The following RELL1 variants were observed in gnomAD, a reference collection of about 807,000 sequenced individuals.
RELL1 encodes RELT like 1, also known as RELT-like protein 1.
Under a neutral mutation model 23.0 loss-of-function variants are expected in RELL1, and 10 were observed. That is an observed-to-expected ratio of 0.43 (90% CI 0.27 to 0.74). The LOEUF is 0.74. Among genes scored for constraint, RELL1 ranks in the 30% least tolerant of loss-of-function variants. The pLI is 0.19. For synonymous variants in RELL1, 146 were observed against 146.8 expected (o/e 0.99, Z 0.04); for missense variants, 315 against 364.4 (o/e 0.86, Z 1.10).
chr4:37,658,439 G>A (rs1216690510), intron 1 of RELL1, among the ~76,000 whole-genome samples: 8 of 152,192 alleles, frequency 5.3e-5, no homozygotes, highest in Admixed American at 4.6e-4. Flanking sequence ...GCATGTATGA[G>A]CCAACACTAA....
chr4:37,684,155 G>C (rs1342008362), intron 1 of RELL1, among the ~76,000 whole-genome samples: 1 of 152,172 alleles, frequency 6.6e-6, no homozygotes, highest in Non-Finnish European at 1.5e-5. Flanking sequence ...GCACTCAACA[G>C]TATTTCCCAT....
intron 1 of RELL1, among the ~76,000 whole-genome samples, chr4:37,683,848 A>G (rs953744948): frequency 9.2e-5 from 14 of 151,914 alleles, no homozygotes; most frequent in East Asian, 3.9e-4. Flanking sequence ...TTGGGAGGCC[A>G]AGGTGGGCGG....
intron 6 of RELL1, among the ~76,000 whole-genome samples, chr4:37,618,490 A>C (rs1302939468): frequency 6.6e-6 from 1 of 152,058 alleles, no homozygotes; most frequent in Non-Finnish European, 1.5e-5. Flanking sequence ...CTCCAGCCTC[A>C]GCCTCCCGAA....
At chr4:37,622,280 A>T (rs538817732) in intron 6 of RELL1, among the ~76,000 whole-genome samples, 1 of 152,344 alleles carries the variant, frequency 6.6e-6, no homozygotes, top group East Asian at 1.9e-4. Context: ...ATATACACAG[A>T]TATATTGCAT....
intron 1 of RELL1, among the ~76,000 whole-genome samples, chr4:37,657,717 C>T (rs915490590): frequency 6.6e-6 from 1 of 152,058 alleles, no homozygotes; most frequent in African/African-American, 2.4e-5. Flanking sequence ...TGAGATTACA[C>T]ATTTTGTGAA....
intron 1 of RELL1, among the ~76,000 whole-genome samples, chr4:37,651,366 T>A (rs1720933247): frequency 6.6e-6 from 1 of 152,072 alleles, no homozygotes; most frequent in East Asian, 1.9e-4. Flanking sequence ...CAAAGAAAAC[T>A]GTGGGGTTTG....
intron 1 of RELL1, among the ~76,000 whole-genome samples, chr4:37,663,863 T>C (rs1721439910): frequency 6.6e-6 from 1 of 152,118 alleles, no homozygotes; most frequent in Admixed American, 6.5e-5. Flanking sequence ...CAGGTCAACA[T>C]TCACCCACCC....
intron 6 of RELL1, among the ~76,000 whole-genome samples, chr4:37,624,414 CTTTCTT>C (rs761614311): frequency 4.8e-5 from 6 of 126,118 alleles, no homozygotes; most frequent in African/African-American, 8.7e-5. Context: ...TTCTTTCTTT[CTTTCTT>C]TTTTTTTTTT....
intron 3 of RELL1, among the ~76,000 whole-genome samples, chr4:37,645,483 C>T (rs1448243306): frequency 1.3e-5 from 2 of 152,194 alleles, no homozygotes; most frequent in African/African-American, 4.8e-5. Context: ...CTCTGGAAGA[C>T]AGAGATCAAA....
At chr4:37,661,516 G>A (rs779533081) in intron 1 of RELL1, among the ~76,000 whole-genome samples, 3 of 152,146 alleles carry the variant, frequency 2.0e-5, no homozygotes, top group Non-Finnish European at 2.9e-5. Context: ...CTGAGCTCAG[G>A]CAATCCACCC....
chr4:37,649,164 C>G, intron 2 of RELL1, 112 bp downstream of exon 2: 4 of 878,132 alleles, frequency 4.6e-6, no homozygotes, highest in Non-Finnish European at 7.3e-6. Context: ...CACTGCACCA[C>G]CTGCCACTAA....
intron 6 of RELL1, among the ~76,000 whole-genome samples, chr4:37,620,026 C>A (rs1719715442): frequency 6.6e-6 from 1 of 152,108 alleles, no homozygotes; most frequent in Non-Finnish European, 1.5e-5. Context: ...CATATTATAA[C>A]CCCCAATTTG....
downstream of RELL1, among the ~76,000 whole-genome samples, chr4:37,587,296 C>T (rs1718383088): frequency 1.3e-5 from 2 of 152,134 alleles, no homozygotes; most frequent in African/African-American, 4.8e-5. Context: ...ATCACATCTG[C>T]AAATACCTTT....
chr4:37,598,078 A>AATATATATATAT (rs138367525), intron 6 of RELL1, among the ~76,000 whole-genome samples: 33,990 of 126,064 alleles, frequency 0.27, 5,728 homozygotes, highest in Middle Eastern at 0.4. Flanking sequence ...TATATATCAT[A>AATATATATATAT]ATATATATAT....
At chr4:37,624,755 T>C (rs1385040395) in intron 6 of RELL1, among the ~76,000 whole-genome samples, 1 of 152,160 alleles carries the variant, frequency 6.6e-6, no homozygotes, top group Non-Finnish European at 1.5e-5. Context: ...AAGGCCTCCT[T>C]AATGCAAACA....
chr4:37,658,954 C>T (rs1157994767), intron 1 of RELL1, among the ~76,000 whole-genome samples: 2 of 151,800 alleles, frequency 1.3e-5, no homozygotes, highest in African/African-American at 4.8e-5. Context: ...TTGCCCTTAT[C>T]ACCAATCAAT....
intron 6 of RELL1, among the ~76,000 whole-genome samples, chr4:37,618,383 C>G (rs1047792297): frequency 6.6e-6 from 1 of 151,694 alleles, no homozygotes; most frequent in Non-Finnish European, 1.5e-5. Flanking sequence ...CCCTACTCAG[C>G]TAATTTTTTA....
intron 6 of RELL1, among the ~76,000 whole-genome samples, chr4:37,602,529 A>C (rs1719043368): frequency 6.6e-6 from 1 of 151,930 alleles, no homozygotes; most frequent in Non-Finnish European, 1.5e-5. Context: ...CTCGACTCAG[A>C]CAAAGTTGTG....
chr4:37,643,619 A>G (rs775253260), intron 3 of RELL1, among the ~76,000 whole-genome samples: 2 of 152,214 alleles, frequency 1.3e-5, no homozygotes, highest in Admixed American at 6.5e-5. Flanking sequence ...AGAAAGCAAA[A>G]TTTATATTAA....
Sources: allele counts gnomAD v4.1 joint callset (sites outside exome capture counted in the v4.1 genomes callset), GRCh38; gene constraint gnomAD v4.1.1; transcripts MANE v1.5; gene names NCBI Gene and HGNC (gene_info 2026-07-23, HGNC 2026-07-21).